LRMDA: variants seen among roughly 807,000 people sequenced by gnomAD.
LRMDA encodes the protein leucine rich melanocyte differentiation associated.
Under a neutral mutation model 29.8 loss-of-function variants are expected in LRMDA, and 18 were observed. The observed-to-expected ratio is 0.60, with a 90% CI of 0.42 to 0.90. The LOEUF (loss-of-function observed/expected upper bound fraction) is 0.90, where lower values mean the gene tolerates loss of function less well. Among genes scored for constraint, LRMDA ranks in the 40% least tolerant of loss-of-function variants. The pLI is 0.00. For synonymous variants in LRMDA, 125 were observed against 109.4 expected, an observed-to-expected ratio of 1.14 and a Z score of -0.89; for missense variants, 273 against 273.9, an observed-to-expected ratio of 1.00 and a Z score of 0.02.
intron 5 of LRMDA, among the ~76,000 whole-genome samples, chr10:76,323,214 A>G (rs1840792881): frequency 6.6e-6 from 1 of 152,106 alleles, no homozygotes. Context: ...TCTTCCTGTA[A>G]GTCTCCACTG....
At chr10:76,302,677 T>C (rs1469955677) in intron 5 of LRMDA, among the ~76,000 whole-genome samples, 1 of 152,216 alleles carries the variant, frequency 6.6e-6, no homozygotes, top group Non-Finnish European at 1.5e-5. Flanking sequence ...GATTTTTCAC[T>C]GTTGACTTTG....
intron 6 of LRMDA, among the ~76,000 whole-genome samples, chr10:76,355,780 C>T (rs773919420): frequency 2.6e-5 from 4 of 152,188 alleles, no homozygotes; most frequent in South Asian, 4.2e-4. Context: ...AAGAAAGGGA[C>T]GTTGAATTAG....
chr10:76,147,463 C>G (rs56396440), intron 5 of LRMDA, among the ~76,000 whole-genome samples: 20,897 of 151,924 alleles, frequency 0.14, 1,565 homozygotes, highest in East Asian at 0.24. Context: ...ACCCTTTCTT[C>G]CAGTTGATGG....
chr10:75,961,993 C>A (rs1846776453), intron 2 of LRMDA, among the ~76,000 whole-genome samples: 1 of 152,078 alleles, frequency 6.6e-6, no homozygotes, highest in Non-Finnish European at 1.5e-5. Context: ...CTGGCATCTC[C>A]CCGTGTGCAT....
chr10:75,522,423 T>C (rs566915866), intron 2 of LRMDA, among the ~76,000 whole-genome samples: 1 of 152,166 alleles, frequency 6.6e-6, no homozygotes, highest in South Asian at 2.1e-4. Context: ...TAATTAGGAA[T>C]GGTGGTGGTA....
At chr10:75,886,476 TA>T (rs747843035) in intron 2 of LRMDA, among the ~76,000 whole-genome samples, 1 of 152,212 alleles carries the variant, frequency 6.6e-6, no homozygotes, top group Non-Finnish European at 1.5e-5. Context: ...CTAGCAGTCA[TA>T]TTTTTATTAA....
At chr10:75,980,122 G>A (rs1431024233) in intron 2 of LRMDA, among the ~76,000 whole-genome samples, 1 of 152,184 alleles carries the variant, frequency 6.6e-6, no homozygotes, top group Non-Finnish European at 1.5e-5. Context: ...ATGGACTTGA[G>A]GTCTTCACTC....
chr10:76,087,367 A>G (rs930038448), intron 5 of LRMDA, among the ~76,000 whole-genome samples: 5 of 152,188 alleles, frequency 3.3e-5, no homozygotes, highest in African/African-American at 4.8e-5. Context: ...GGACTGGGTT[A>G]TCTCTGAGGT....
intron 2 of LRMDA, among the ~76,000 whole-genome samples, chr10:75,589,313 T>A (rs1424686612): frequency 6.6e-6 from 1 of 152,194 alleles, no homozygotes; most frequent in East Asian, 1.9e-4. Context: ...GGTAAAAGAA[T>A]GTTTTCTTAG....
chr10:75,610,505 A>G (rs1447010717), intron 2 of LRMDA, among the ~76,000 whole-genome samples: 5 of 152,190 alleles, frequency 3.3e-5, no homozygotes, highest in Admixed American at 6.5e-5. Flanking sequence ...CACACCACAC[A>G]TACACTCATG....
intron 2 of LRMDA, among the ~76,000 whole-genome samples, chr10:75,589,290 G>A (rs11001434): frequency 0.017 from 2,613 of 152,060 alleles, 79 homozygotes; most frequent in African/African-American, 0.06. Context: ...TTTGGATTTG[G>A]GCCAATATGA....
chr10:76,463,448 A>G (rs1259568588), intron 6 of LRMDA, among the ~76,000 whole-genome samples: 1 of 152,220 alleles, frequency 6.6e-6, no homozygotes, highest in African/African-American at 2.4e-5. Flanking sequence ...TGGCTGCCCA[A>G]AGTGAAGAAG....
At chr10:76,357,380 A>G (rs1841254743) in intron 6 of LRMDA, among the ~76,000 whole-genome samples, 1 of 152,196 alleles carries the variant, frequency 6.6e-6, no homozygotes, top group Non-Finnish European at 1.5e-5. Context: ...GGTTGGCAGC[A>G]TGGAAATCTG....
intron 6 of LRMDA, among the ~76,000 whole-genome samples, chr10:76,491,670 C>T (rs1475045824): frequency 2.0e-5 from 3 of 151,774 alleles, no homozygotes; most frequent in African/African-American, 7.3e-5. Context: ...TGGGTTAAAC[C>T]TTCTTAGTGT....
In LRMDA at chr10:75,746,773, A is replaced by G. The variant is rs369397883; in HGVS notation, c.132-289235A>G. Among the ~76,000 whole-genome samples, 120 of 152,300 alleles carry G rather than the reference A, an allele frequency of 7.9e-4. 3 individuals are homozygous for G. In the South Asian group the frequency reaches 0.025, roughly 32 times the overall value. On this transcript the variant is annotated intron_variant, in intron 2 of 6. Transcript: ENST00000611255. ...GACATGGCCCTTATGGAAGACAGAA[A>G]CAATTAGGACACATCCTAAAGGAAA...
chr10:76,133,702 A>ATCAATT (rs1484595845), intron 5 of LRMDA, among the ~76,000 whole-genome samples: 1 of 152,252 alleles, frequency 6.6e-6, no homozygotes, highest in African/African-American at 2.4e-5. Context: ...CAGGGTTTGC[A>ATCAATT]TCAATTACTC....
chr10:76,550,976 G>A (rs898636790), intron 6 of LRMDA, among the ~76,000 whole-genome samples: 1 of 152,218 alleles, frequency 6.6e-6, no homozygotes, highest in Non-Finnish European at 1.5e-5. Flanking sequence ...GCTGACCTCA[G>A]GGTATTGCTC....
chr10:76,032,922 C>T (rs1295819879), intron 2 of LRMDA, among the ~76,000 whole-genome samples: 2 of 152,070 alleles, frequency 1.3e-5, no homozygotes, highest in Non-Finnish European at 2.9e-5. Flanking sequence ...GCTGTCCATA[C>T]ACAAGGTGAT....
intron 2 of LRMDA, among the ~76,000 whole-genome samples, chr10:75,890,840 C>T (rs1845474553): frequency 1.3e-5 from 2 of 150,810 alleles, no homozygotes; most frequent in East Asian, 4.0e-4. Flanking sequence ...TGTGGTGGTT[C>T]ATGCCTATAA....
Sources: allele counts gnomAD v4.1 joint callset (sites outside exome capture counted in the v4.1 genomes callset), GRCh38; gene constraint gnomAD v4.1.1; transcripts MANE v1.5; gene names NCBI Gene and HGNC (gene_info 2026-07-23, HGNC 2026-07-21).